HMCN1: variants seen among roughly 807,000 people sequenced by gnomAD.
HMCN1 encodes hemicentin-1.
HMCN1 carries 321 observed loss-of-function variants against 625.9 expected under a neutral mutation model. The observed-to-expected ratio is 0.51, with a 90% confidence interval of 0.47 to 0.56. The LOEUF (loss-of-function observed/expected upper bound fraction) is 0.56. Ranked by LOEUF, HMCN1 falls within the 20% of genes least tolerant of loss-of-function variation. The pLI, the probability that HMCN1 is intolerant of heterozygous loss-of-function variation, is 0.00. For synonymous variants in HMCN1, 2,425 were observed against 2,417.6 expected (o/e 1.00, Z -0.09); for missense variants, 6,588 against 6,887.3 (o/e 0.96, Z 1.54).
intron 46 of HMCN1, among the ~76,000 whole-genome samples, chr1:186,059,507 C>G (rs564675165): frequency 3.3e-5 from 5 of 152,052 alleles, no homozygotes; most frequent in African/African-American, 1.2e-4. Context: ...GCTGGAGATC[C>G]CTGAGTGAAC....
rs1667660652 is a variant in HMCN1 at position 185,933,570 on chromosome 1, T to G, written c.1574T>G (p.Val525Gly). ...ACAGAGCCCCCTCCGGTCATCCAAG[T>G]GCCTAACAATGTTACAGTCACTCCT... is the stretch of plus-strand genomic sequence containing the variant. ...DVSEPPPVIQ[V>G]PNNVTVTPGE... The change falls in exon 11 of 107, where the codon GTG becomes GGG. Residue 525 changes from valine to glycine, a missense_variant. Physicochemically the swap from Val to Gly is moderately radical, Grantham distance 109. This residue lies in a region of HMCN1 where 4,628 missense variants were observed against 4,853.1 expected (regional missense o/e 0.95). Transcript: ENST00000271588. 4 of 1,613,826 alleles carry G rather than the reference T, an allele frequency of 2.5e-6. No homozygotes were observed. Among genetic ancestry groups the G allele is most frequent in the Non-Finnish European group, 3.4e-6 (4 of 1,179,918 alleles).
chr1:185,755,297 G>T (rs1655061881), intron 1 of HMCN1, among the ~76,000 whole-genome samples: 1 of 152,042 alleles, frequency 6.6e-6, no homozygotes, highest in South Asian at 2.1e-4. Context: ...TTTTGTTATT[G>T]CACGGTAATA....
At chr1:185,911,990 AC>A (rs1252188574) in intron 6 of HMCN1, among the ~76,000 whole-genome samples, 4 of 152,168 alleles carry the variant, frequency 2.6e-5, no homozygotes, top group Non-Finnish European at 4.4e-5. Flanking sequence ...TCATTGCCAC[AC>A]GATACACTTA....
chr1:185,755,425 C>G (rs548591368), intron 1 of HMCN1, among the ~76,000 whole-genome samples: 2 of 152,258 alleles, frequency 1.3e-5, no homozygotes, highest in East Asian at 3.9e-4. Context: ...ATGTCTAGAC[C>G]AAGAAACATC....
intron 15 of HMCN1, among the ~76,000 whole-genome samples, chr1:185,975,956 A>T (rs1032501047): frequency 6.6e-6 from 1 of 152,188 alleles, no homozygotes; most frequent in African/African-American, 2.4e-5. Flanking sequence ...CTGATTTCAA[A>T]AATTCATTGA....
chr1:185,752,088 T>G (rs571612873), intron 1 of HMCN1, among the ~76,000 whole-genome samples: 1 of 152,286 alleles, frequency 6.6e-6, no homozygotes, highest in East Asian at 1.9e-4. Context: ...TTTGCTTTTT[T>G]TGGGATTCCA....
chr1:186,051,020 G>A (rs1656913307), intron 42 of HMCN1, among the ~76,000 whole-genome samples: 1 of 152,046 alleles, frequency 6.6e-6, no homozygotes, highest in South Asian at 2.1e-4. Flanking sequence ...GAGGGTAAAA[G>A]CAATGCAAAG....
chr1:185,909,328 C>T lies in HMCN1; in HGVS notation c.622-9C>T. 6.2e-7 allele frequency: 1 copy of T among 1,604,134 alleles called. No individual in the cohort carries two copies. The highest frequency in any genetic ancestry group is 8.5e-7 in the Non-Finnish European group (1 of 1,171,236). ...TGATATCACTTACACTTCTCTTTCT[C>T]TCTTATAGGTATTAAAATGGGTAGA... On this transcript the variant is annotated splice_polypyrimidine_tract_variant and intron_variant, in intron 4 of 106. Coordinates refer to ENST00000271588, the MANE Select transcript of HMCN1 (RefSeq NM_031935.3).
intron 36 of HMCN1, among the ~76,000 whole-genome samples, chr1:186,031,934 A>C (rs1271820240): frequency 6.6e-6 from 1 of 152,062 alleles, no homozygotes; most frequent in Non-Finnish European, 1.5e-5. Flanking sequence ...TGGAACATTC[A>C]GTCATCCCTC....
At chr1:186,011,921 A>G (rs1654027358) in intron 30 of HMCN1, among the ~76,000 whole-genome samples, 1 of 152,184 alleles carries the variant, frequency 6.6e-6, no homozygotes, top group South Asian at 2.1e-4. Context: ...GATTCTTTTC[A>G]TTCAGAAAGA....
intron 104 of HMCN1, among the ~76,000 whole-genome samples, chr1:186,181,330 T>C (rs1652914601): frequency 6.6e-6 from 1 of 152,186 alleles, no homozygotes; most frequent in Non-Finnish European, 1.5e-5. Flanking sequence ...CCAAATCACA[T>C]ACTTTATCCT....
chr1:186,010,912 A>T (rs887419407), intron 30 of HMCN1, among the ~76,000 whole-genome samples: 2 of 152,196 alleles, frequency 1.3e-5, no homozygotes, highest in Non-Finnish European at 2.9e-5. Flanking sequence ...TAGTTTTTTT[A>T]AATTATAAAC....
chr1:186,033,380 A>G (rs777004128), intron 36 of HMCN1, among the ~76,000 whole-genome samples: 5 of 152,132 alleles, frequency 3.3e-5, no homozygotes, highest in Non-Finnish European at 5.9e-5. Context: ...AAAATCTCAA[A>G]TCACCACTGA....
chr1:186,152,460 C>T (rs1650735632), intron 95 of HMCN1, among the ~76,000 whole-genome samples: 1 of 152,184 alleles, frequency 6.6e-6, no homozygotes, highest in Non-Finnish European at 1.5e-5. Context: ...CAGTCACAGA[C>T]AATTCATTTT....
At position 185,734,672 on chromosome 1, in the gene HMCN1, C is replaced by T; in HGVS notation, c.-108C>T. On this transcript the variant is annotated 5_prime_UTR_variant, in exon 1 of 107. Transcript: ENST00000271588. ...AAACTTTTTGCTAGTTCAGAGATTC[C>T]AAGAGTCTGATGAGTTACTCTGAGA... 1.8e-6 allele frequency: 2 copies of T among 1,123,294 alleles called. No homozygotes were observed. Among genetic ancestry groups the T allele is most frequent in the Non-Finnish European group, 1.3e-6 (1 of 747,788 alleles). The allele number at this position is 1,123,294 out of a possible 1,614,324, so 69.6% of individuals were successfully genotyped here.
intron 4 of HMCN1, among the ~76,000 whole-genome samples, chr1:185,898,768 C>G (rs1160123340): frequency 6.6e-6 from 1 of 151,958 alleles, no homozygotes; most frequent in Non-Finnish European, 1.5e-5. Flanking sequence ...ATGCCAGTTA[C>G]TTTAAATGGG....
Position 186,016,219 on chromosome 1 carries a change from A to G in HMCN1, c.5171A>G (p.Lys1724Arg), listed in dbSNP as rs540910084. ...AGTGTGGCAGGAGAAAAGGAAATCAAATATGAAGTTGATGTCTTGGGTAAA... is the reference window on the plus strand; with the variant it reads ...AGTGTGGCAGGAGAAAAGGAAATCAGATATGAAGTTGATGTCTTGGGTAAA... Reference protein sequence around the residue: ...ATSVAGEKEIKYEVDVLVPPA... With the variant: ...ATSVAGEKEIRYEVDVLVPPA... The change falls in exon 32 of 107, where the codon AAA (lysine) becomes AGA (arginine). Residue 1724 changes from lysine (K) to arginine (R), a missense_variant. By Grantham distance (26) the Lys-to-Arg change is conservative. Transcript: ENST00000271588. 6.2e-7 allele frequency: 1 copy of G among 1,613,046 alleles called. No homozygotes were observed. Among genetic ancestry groups the G allele is most frequent in the East Asian group, 2.2e-5 (1 of 44,828 alleles).
intron 11 of HMCN1, among the ~76,000 whole-genome samples, chr1:185,947,084 T>C (rs1668387074): frequency 6.6e-6 from 1 of 152,146 alleles, no homozygotes; most frequent in Non-Finnish European, 1.5e-5. Context: ...GGCGGGTAAA[T>C]CCAGCATATA....
At chr1:185,957,176 G>A (rs1649689311) in intron 11 of HMCN1, 1 of 152,128 alleles carries the variant, frequency 6.6e-6, no homozygotes, top group Non-Finnish European at 1.5e-5. Flanking sequence ...GCACAAGCCA[G>A]CATATTACTG....
Sources: gnomAD v4.1 joint callset for allele counts (sites outside exome capture counted in the v4.1 genomes callset) on GRCh38, gnomAD v4.1.1 for gene constraint, gnomAD v4.1.1 regional missense constraint, MANE v1.5 for transcripts, NCBI Gene and HGNC (gene_info 2026-07-23, HGNC 2026-07-21) for gene names.